MEMO1: variants seen among roughly 807,000 people sequenced by gnomAD.
MEMO1 encodes protein MEMO1.
A neutral mutation model predicts 45.2 loss-of-function variants in MEMO1; 6 were observed. That is an observed-to-expected ratio of 0.13 (90% CI 0.07 to 0.26). MEMO1 has a LOEUF of 0.26. Among genes scored for constraint, MEMO1 ranks in the 10% least tolerant of loss-of-function variants. MEMO1 has a pLI of 1.00. For missense variants in MEMO1, 184 were observed against 370.5 expected (o/e 0.50, Z 4.13); for synonymous variants, 78 against 124.3 (o/e 0.63, Z 2.48).
intron 8 of MEMO1, 142 bp from the exon 9 acceptor site, chr2:31,870,094 T>C (rs1673473740): frequency 1.5e-6 from 1 of 669,182 alleles, no homozygotes; most frequent in Non-Finnish European, 2.2e-6. Context: ...AAATAAACCT[T>C]GTGAAACATC....
intron 2 of MEMO1, among the ~76,000 whole-genome samples, chr2:31,968,782 G>T (rs1180465975): frequency 6.6e-6 from 1 of 151,790 alleles, no homozygotes; most frequent in East Asian, 1.9e-4. Flanking sequence ...TGTCATTGTT[G>T]TCCATCATAG....
intron 2 of MEMO1, among the ~76,000 whole-genome samples, chr2:31,962,989 A>C (rs1668201804): frequency 1.3e-5 from 2 of 152,206 alleles, no homozygotes; most frequent in Admixed American, 1.3e-4. Flanking sequence ...TCCCCCAAGT[A>C]AGACAGAACT....
chr2:31,893,482 C>T (rs779573133), intron 6 of MEMO1, among the ~76,000 whole-genome samples: 6 of 152,144 alleles, frequency 3.9e-5, no homozygotes, highest in Non-Finnish European at 7.3e-5. Context: ...ATTATTCTAA[C>T]CTCAACTACT....
intron 2 of MEMO1, among the ~76,000 whole-genome samples, chr2:31,990,422 G>A (rs1001825193): frequency 2.0e-5 from 3 of 151,894 alleles, no homozygotes; most frequent in African/African-American, 7.3e-5. Flanking sequence ...ACTTTGGTTG[G>A]TTGGCTGGTT....
At chr2:31,900,286 T>C (rs1159728189) in intron 6 of MEMO1, among the ~76,000 whole-genome samples, 1 of 152,138 alleles carries the variant, frequency 6.6e-6, no homozygotes, top group African/African-American at 2.4e-5. Context: ...AACCCAAATG[T>C]CCATCAATGA....
intron 2 of MEMO1, among the ~76,000 whole-genome samples, chr2:31,997,660 G>A (rs1672765642): frequency 6.6e-6 from 1 of 152,162 alleles, no homozygotes; most frequent in Non-Finnish European, 1.5e-5. Flanking sequence ...ACAGCAAGGA[G>A]CCCAGAATGG....
intron 6 of MEMO1, among the ~76,000 whole-genome samples, chr2:31,896,820 C>T (rs1677896735): frequency 6.6e-6 from 1 of 151,870 alleles, no homozygotes; most frequent in Non-Finnish European, 1.5e-5. Flanking sequence ...AACAAATTAC[C>T]AAAATAAAAA....
intron 2 of MEMO1, among the ~76,000 whole-genome samples, chr2:31,996,959 C>G (rs1440626392): frequency 6.6e-6 from 1 of 152,100 alleles, no homozygotes; most frequent in Non-Finnish European, 1.5e-5. Flanking sequence ...AGAACACTCG[C>G]CAAGACAGAT....
chr2:31,947,011 A>G (rs947537781), intron 2 of MEMO1, among the ~76,000 whole-genome samples: 5 of 152,196 alleles, frequency 3.3e-5, no homozygotes, highest in Non-Finnish European at 7.3e-5. Flanking sequence ...CTTGGTGTAT[A>G]GTAGGCTATA....
intron 2 of MEMO1, among the ~76,000 whole-genome samples, chr2:31,976,419 A>T (rs1342302573): frequency 2.0e-5 from 3 of 151,822 alleles, no homozygotes; most frequent in African/African-American, 7.3e-5. Flanking sequence ...CTCTACAAAA[A>T]ATACAAAAAT....
chr2:31,885,489 T>C (rs1676056007), intron 7 of MEMO1, among the ~76,000 whole-genome samples: 2 of 152,244 alleles, frequency 1.3e-5, no homozygotes, highest in Admixed American at 6.5e-5. Context: ...AGTGCAGTTA[T>C]AATAATTTAT....
chr2:31,900,468 G>T (rs544191076), intron 6 of MEMO1, among the ~76,000 whole-genome samples: 9 of 152,044 alleles, frequency 5.9e-5, no homozygotes, highest in Non-Finnish European at 1.2e-4. Flanking sequence ...CTCATTAACT[G>T]GGGCTTTAAC....
intron 2 of MEMO1, among the ~76,000 whole-genome samples, chr2:31,949,642 CAAAAAAAAAA>C (rs549686329): frequency 1.8e-5 from 2 of 108,972 alleles, no homozygotes; most frequent in South Asian, 6.4e-4. Context: ...TTAATGGGTA[CAAAAAAAAAA>C]AAAAAAAAAA....
At position 31,918,042 on chromosome 2, in the gene MEMO1, A is replaced by G; in HGVS notation, c.326-5T>C. 6.3e-7 allele frequency: 1 copy of G among 1,591,408 alleles called. No individual in the cohort carries two copies. The highest frequency in any genetic ancestry group is 1.1e-5 in the South Asian group (1 of 89,638). On this transcript the variant is annotated splice_region_variant and splice_polypyrimidine_tract_variant and intron_variant, in intron 5 of 9. Transcript: ENST00000404530. ...TCTTCCACAGTTCTCCGTAAACTAAAGAGATTTCAAAATACAGTAAAATAA... is the reference window on the plus strand; with the variant it reads ...TCTTCCACAGTTCTCCGTAAACTAAGGAGATTTCAAAATACAGTAAAATAA...
At chr2:31,974,941 CAA>C in intron 2 of MEMO1, among the ~76,000 whole-genome samples, 1 of 151,982 alleles carries the variant, frequency 6.6e-6, no homozygotes, top group African/African-American at 2.4e-5. Flanking sequence ...GAGGCCGAGG[CAA>C]GTGGATCACC....
chr2:31,874,876 T>G (rs756181105), intron 8 of MEMO1, among the ~76,000 whole-genome samples: 27 of 151,752 alleles, frequency 1.8e-4, no homozygotes, highest in Non-Finnish European at 3.7e-4. Flanking sequence ...GATTAATCAA[T>G]TAAGACAATA....
At chr2:31,964,642 G>A (rs909281503) in intron 2 of MEMO1, among the ~76,000 whole-genome samples, 4 of 152,054 alleles carry the variant, frequency 2.6e-5, no homozygotes, top group South Asian at 2.1e-4. Flanking sequence ...CGGAGGTTGC[G>A]GTGAGCCGAG....
At chr2:31,895,818 C>T (rs368065275) in intron 6 of MEMO1, among the ~76,000 whole-genome samples, 1 of 125,406 alleles carries the variant, frequency 8.0e-6, no homozygotes, top group Non-Finnish European at 1.7e-5. Flanking sequence ...CAGCTGAAAA[C>T]AAAACACAAG....
intron 3 of MEMO1, among the ~76,000 whole-genome samples, chr2:31,936,243 T>C (rs902789809): frequency 6.6e-6 from 1 of 152,208 alleles, no homozygotes; most frequent in Admixed American, 6.5e-5. Flanking sequence ...ATTACAGGCA[T>C]GAGCCACCGC....
Sources: allele counts gnomAD v4.1 joint callset (sites outside exome capture counted in the v4.1 genomes callset), GRCh38; gene constraint gnomAD v4.1.1; transcripts MANE v1.5; gene names NCBI Gene and HGNC (gene_info 2026-07-23, HGNC 2026-07-21).